RBFOX1: variants seen among roughly 807,000 people sequenced by gnomAD.
RBFOX1 encodes the protein RNA binding fox-1 homolog 1, also known as RNA binding protein fox-1 homolog 1.
Under a neutral mutation model 57.7 loss-of-function variants are expected in RBFOX1, and 8 were observed. The ratio of observed to expected loss-of-function variants is 0.14; its 90% CI spans 0.08 to 0.25. The LOEUF (loss-of-function observed/expected upper bound fraction) is 0.25, where lower values mean the gene tolerates loss of function less well. Ranked by LOEUF, RBFOX1 falls within the 10% of genes least tolerant of loss-of-function variation. The pLI, the probability that RBFOX1 is intolerant of heterozygous loss-of-function variation, is 1.00. For synonymous variants in RBFOX1, 326 were observed against 222.4 expected, an observed-to-expected ratio of 1.47 and a Z score of -4.15; for missense variants, 611 against 548.5, an observed-to-expected ratio of 1.11 and a Z score of -1.14.
intron 4 of RBFOX1, among the ~76,000 whole-genome samples, chr16:5,934,123 T>G (rs77717806): frequency 0.049 from 7,406 of 152,340 alleles, 636 homozygotes; most frequent in African/African-American, 0.17. Context: ...GGTGGTTTTA[T>G]GTGGACACGG....
At chr16:6,565,278 A>G (rs1220367762) in intron 2 of RBFOX1, among the ~76,000 whole-genome samples, 3 of 133,914 alleles carry the variant, frequency 2.2e-5, no homozygotes, top group African/African-American at 7.9e-5. Flanking sequence ...TTTGTCTGAG[A>G]CAGAGTCTCA....
chr16:6,246,809 C>A (rs1057263264), intron 1 of RBFOX1, among the ~76,000 whole-genome samples: 1 of 152,186 alleles, frequency 6.6e-6, no homozygotes, highest in African/African-American at 2.4e-5. Context: ...TGGCTCACGC[C>A]TATAATCCCA....
chr16:6,803,262 C>T (rs983301798), intron 3 of RBFOX1, among the ~76,000 whole-genome samples: 6 of 152,128 alleles, frequency 3.9e-5, no homozygotes, highest in Non-Finnish European at 7.3e-5. Flanking sequence ...CATGAAAGTG[C>T]AAACTTCAAT....
At chr16:6,695,730 T>C (rs928080863) in intron 3 of RBFOX1, among the ~76,000 whole-genome samples, 1 of 152,202 alleles carries the variant, frequency 6.6e-6, no homozygotes, top group South Asian at 2.1e-4. Flanking sequence ...TTGGAAAATA[T>C]AGTTCAAGAA....
intron 4 of RBFOX1, among the ~76,000 whole-genome samples, chr16:7,389,802 T>C (rs980717436): frequency 2.6e-5 from 4 of 152,184 alleles, no homozygotes; most frequent in African/African-American, 9.6e-5. Flanking sequence ...TTCCTTCTAG[T>C]ATGCTTAAGG....
chr16:7,213,165 A>T (rs11077148), intron 4 of RBFOX1, among the ~76,000 whole-genome samples: 72,225 of 152,048 alleles, frequency 0.48, 17,233 homozygotes, highest in Middle Eastern at 0.54. Context: ...ACCACCTCAA[A>T]ACACTGTCAG....
intron 2 of RBFOX1, among the ~76,000 whole-genome samples, chr16:5,569,048 C>G (rs987616151): frequency 3.4e-5 from 5 of 148,682 alleles, no homozygotes; most frequent in Admixed American, 2.0e-4. Context: ...GGCAGGGTTT[C>G]ATCATATTGG....
chr16:6,562,856 CTTTCTTTCTTTCTTTCTTTCTTTCT>C (rs1266087868), intron 2 of RBFOX1, among the ~76,000 whole-genome samples: 2 of 50,314 alleles, frequency 4.0e-5, no homozygotes, highest in African/African-American at 2.1e-4. Flanking sequence ...TTCTTTCTTT[CTTTCTTTCTTTCTTTCTTTCTTTCT>C]TTTTTTTTTT....
chr16:6,552,259 G>C (rs1044089689), intron 2 of RBFOX1, among the ~76,000 whole-genome samples: 2 of 152,090 alleles, frequency 1.3e-5, no homozygotes, highest in African/African-American at 4.8e-5. Flanking sequence ...ATTTGAAGGA[G>C]GGCAACCCCT....
intron 4 of RBFOX1, among the ~76,000 whole-genome samples, chr16:7,216,875 A>G (rs576154765): frequency 6.6e-5 from 10 of 152,086 alleles, no homozygotes; most frequent in Non-Finnish European, 1.0e-4. Flanking sequence ...ATTCTTTTCA[A>G]TCATCCTGTG....
intron 1 of RBFOX1, among the ~76,000 whole-genome samples, chr16:5,426,641 G>T (rs1159438422): frequency 1.1e-4 from 16 of 152,174 alleles, no homozygotes; most frequent in Non-Finnish European, 1.5e-5. Context: ...CCCTTTACCA[G>T]CCTGTTTCCT....
chr16:5,750,390 A>G (rs1232879815), intron 3 of RBFOX1, among the ~76,000 whole-genome samples: 2 of 152,184 alleles, frequency 1.3e-5, no homozygotes, highest in Non-Finnish European at 1.5e-5. Flanking sequence ...ACTCTCTTCA[A>G]AGCTGTCAGA....
At chr16:5,716,270 C>T (rs11864351) in intron 3 of RBFOX1, among the ~76,000 whole-genome samples, 2 of 152,172 alleles carry the variant, frequency 1.3e-5, no homozygotes, top group Non-Finnish European at 2.9e-5. Context: ...TTGTACCAAG[C>T]TAATAAGTTC....
intron 3 of RBFOX1, among the ~76,000 whole-genome samples, chr16:5,739,201 A>G (rs11076957): frequency 1.3e-5 from 2 of 152,198 alleles, no homozygotes; most frequent in African/African-American, 4.8e-5. Flanking sequence ...TATTCAGGCA[A>G]GGAAGGATGA....
chr16:6,927,319 A>AC lies in RBFOX1; in HGVS notation c.-15-124737dup, dbSNP rs2075766847. ...TATCAGCTACTTGGGAGGTTGAGGC[A>AC]CGAGAATCGCTGGAACCCGGGAGGC... On this transcript the variant is annotated intron_variant, in intron 3 of 15. Coordinates refer to ENST00000550418, the MANE Select transcript of RBFOX1 (RefSeq NM_018723.4). 2.0e-5 allele frequency among the ~76,000 whole-genome samples: 3 copies of AC among 149,534 alleles called. No individual in the cohort carries two copies. The Admixed American group carries it at 2.0e-4, about 10-fold the overall frequency.
chr16:6,185,130 G>A (rs1233609529), intron 1 of RBFOX1, among the ~76,000 whole-genome samples: 1 of 152,132 alleles, frequency 6.6e-6, no homozygotes, highest in East Asian at 1.9e-4. Flanking sequence ...GATGGCATTA[G>A]ACACCTTTAG....
chr16:7,509,414 G>C (rs58359637), intron 4 of RBFOX1, among the ~76,000 whole-genome samples: 121 of 131,226 alleles, frequency 9.2e-4, no homozygotes, highest in African/African-American at 3.0e-3. Flanking sequence ...GTGTGTGTGT[G>C]TGTGTGTGTG....
At chr16:7,634,453 C>T (rs2061454879) in intron 11 of RBFOX1, among the ~76,000 whole-genome samples, 2 of 150,530 alleles carry the variant, frequency 1.3e-5, no homozygotes, top group Admixed American at 6.6e-5. Flanking sequence ...CTGTAAATAA[C>T]ATCCTTAAAT....
At chr16:5,405,231 G>A (rs180838046) in intron 1 of RBFOX1, among the ~76,000 whole-genome samples, 1 of 152,296 alleles carries the variant, frequency 6.6e-6, no homozygotes, top group African/African-American at 2.4e-5. Context: ...TGGTTTGGCT[G>A]TGTACCCCCA....
Sources: gnomAD v4.1 joint callset for allele counts (sites outside exome capture counted in the v4.1 genomes callset) on GRCh38, gnomAD v4.1.1 for gene constraint, MANE v1.5 for transcripts, NCBI Gene and HGNC (gene_info 2026-07-23, HGNC 2026-07-21) for gene names.